Variants in DCAF10 observed in about 807,000 individuals in gnomAD.
DCAF10 encodes the protein DDB1- and CUL4-associated factor 10.
In DCAF10, 19 loss-of-function variants were observed where a neutral mutation model predicts 51.9. The observed-to-expected ratio is 0.37, with a 90% confidence interval of 0.26 to 0.54. The LOEUF (loss-of-function observed/expected upper bound fraction) is 0.54, where lower values mean the gene tolerates loss of function less well. Among genes scored for constraint, DCAF10 ranks in the 20% least tolerant of loss-of-function variants. DCAF10 has a pLI of 0.87. For missense variants in DCAF10, 510 were observed against 730.6 expected, an observed-to-expected ratio of 0.70 and a Z score of 3.48; for synonymous variants, 291 against 297.1, an observed-to-expected ratio of 0.98 and a Z score of 0.21.
intron 2 of DCAF10, among the ~76,000 whole-genome samples, chr9:37,840,905 C>A (rs142740334): frequency 6.6e-6 from 1 of 151,976 alleles, no homozygotes; most frequent in Non-Finnish European, 1.5e-5. Flanking sequence ...CAAATACTTA[C>A]GATTGTGTTA....
Position 37,865,038 on chromosome 9 carries a change from A to G in DCAF10, c.*3530A>G, listed in dbSNP as rs1359208249. The stretch of plus-strand genomic sequence containing the variant: ...CATTGTGCTCTTTAGTTTGTAAAGT[A>G]TGGTAAGCTGGCCTGTTATTTGTTT... On this transcript the variant is annotated 3_prime_UTR_variant, in exon 7 of 7. Transcript: ENST00000377724. 1 of 151,846 alleles carries G rather than the reference A, an allele frequency of 6.6e-6. No homozygotes were observed. Among genetic ancestry groups the G allele is most frequent in the African/African-American group, 2.4e-5 (1 of 41,352 alleles). The allele number at this position is 151,846 out of a possible 1,614,324, so 9.4% of individuals were successfully genotyped here. A position where few individuals can be genotyped will look rare whatever the true frequency, so the allele number is the denominator to read the frequency against.
At chr9:37,835,791 A>G (rs1445998609) in intron 2 of DCAF10, among the ~76,000 whole-genome samples, 1 of 152,266 alleles carries the variant, frequency 6.6e-6, no homozygotes, top group Non-Finnish European at 1.5e-5. Flanking sequence ...TATAAGGGAA[A>G]GATGGACTTG....
chr9:37,819,237 AC>A, intron 1 of DCAF10, 50 bp from the exon 2 acceptor site: 1 of 1,417,796 alleles, frequency 7.1e-7, no homozygotes, highest in South Asian at 1.2e-5. Flanking sequence ...AACATCAATA[AC>A]CAGCGAATGC....
At chr9:37,802,045 C>T (rs1828966856) in intron 1 of DCAF10, among the ~76,000 whole-genome samples, 1 of 152,138 alleles carries the variant, frequency 6.6e-6, no homozygotes, top group African/African-American at 2.4e-5. Context: ...AAAACTTTGT[C>T]TTGTCAGTAC....
chr9:37,804,678 A>G (rs756180031), intron 1 of DCAF10, among the ~76,000 whole-genome samples: 18 of 152,130 alleles, frequency 1.2e-4, no homozygotes, highest in Admixed American at 3.3e-4. Flanking sequence ...CAGGAGGCTG[A>G]GGCAGGAGAA....
intron 1 of DCAF10, among the ~76,000 whole-genome samples, chr9:37,814,080 C>CTA (rs58660288): frequency 0.018 from 847 of 46,986 alleles, 37 homozygotes; most frequent in Non-Finnish European, 0.021. Flanking sequence ...CTATTTGTCA[C>CTA]TATATATATA....
In DCAF10 at chr9:37,838,264, A is replaced by G. The variant is rs1830231463; in HGVS notation, c.654-3825A>G. 3.9e-5 allele frequency among the ~76,000 whole-genome samples: 6 copies of G among 152,228 alleles called. No individual in the cohort carries two copies. In the South Asian group the frequency reaches 1.2e-3, roughly 31 times the overall value. On this transcript the variant is annotated intron_variant, in intron 2 of 6. Coordinates refer to ENST00000377724, the MANE Select transcript of DCAF10 (RefSeq NM_024345.5). Reference sequence around the variant, plus strand: ...AAAAAGTTTCAACTTTACTAAACATAAAAGTTTCAACTTAAAACAAGATGA... The same window carrying G: ...AAAAAGTTTCAACTTTACTAAACATGAAAGTTTCAACTTAAAACAAGATGA...
At position 37,801,796 on chromosome 9, in the gene DCAF10, C is replaced by T. The variant is rs574370075; in HGVS notation, c.539+391C>T. ...TAGGCTCGCGTTTTCCTACCTAAACCTGTGTCGGGGTAGGAAAGCTGTAGA... is the reference window on the plus strand; with the variant it reads ...TAGGCTCGCGTTTTCCTACCTAAACTTGTGTCGGGGTAGGAAAGCTGTAGA... On this transcript the variant is annotated intron_variant, in intron 1 of 6. Transcript: ENST00000377724. This position sits in a 1 kb window ranked among gnomAD's most constrained non-coding sequence, Gnocchi z 5.5. 2.0e-5 allele frequency among the ~76,000 whole-genome samples: 3 copies of T among 152,308 alleles called. No homozygotes were observed. The highest frequency in any genetic ancestry group is 6.5e-5 in the Admixed American group (1 of 15,304).
chr9:37,850,876 A>ATG (rs1830628671), intron 3 of DCAF10, among the ~76,000 whole-genome samples: 3 of 89,254 alleles, frequency 3.4e-5, no homozygotes, highest in African/African-American at 1.4e-4. Flanking sequence ...ATATATATAT[A>ATG]TATATAAATT....
At chr9:37,831,495 C>T (rs1268715280) in intron 2 of DCAF10, among the ~76,000 whole-genome samples, 33 of 152,130 alleles carry the variant, frequency 2.2e-4, no homozygotes, top group Admixed American at 2.2e-3. Flanking sequence ...TACTCAGTTC[C>T]ATTAGATCAC....
chr9:37,812,734 A>G (rs1829389317), intron 1 of DCAF10, among the ~76,000 whole-genome samples: 1 of 152,228 alleles, frequency 6.6e-6, no homozygotes, highest in Non-Finnish European at 1.5e-5. Context: ...CCTGGGCTCA[A>G]GTAATCCTCT....
At chr9:37,827,547 T>G (rs1829888403) in intron 2 of DCAF10, among the ~76,000 whole-genome samples, 1 of 152,092 alleles carries the variant, frequency 6.6e-6, no homozygotes, top group Non-Finnish European at 1.5e-5. Context: ...TATATATATT[T>G]CTAATATGTA....
upstream of DCAF10, chr9:37,800,750 G>A: frequency 6.5e-7 from 1 of 1,533,418 alleles, no homozygotes; most frequent in Non-Finnish European, 8.7e-7. Context: ...GAGGGGCGGC[G>A]CGGGTTTCCA....
At chr9:37,810,152 TAA>T (rs747571357) in intron 1 of DCAF10, among the ~76,000 whole-genome samples, 3 of 141,284 alleles carry the variant, frequency 2.1e-5, no homozygotes. Context: ...AACTCCATCT[TAA>T]AAAAAAAAAA....
At chr9:37,835,200 C>G (rs553678835) in intron 2 of DCAF10, among the ~76,000 whole-genome samples, 3 of 152,010 alleles carry the variant, frequency 2.0e-5, no homozygotes, top group African/African-American at 7.2e-5. Context: ...TTTGGGAGGT[C>G]GAAGTGGGCA....
At chr9:37,845,418 G>T (rs1830446605) in intron 3 of DCAF10, among the ~76,000 whole-genome samples, 1 of 152,118 alleles carries the variant, frequency 6.6e-6, no homozygotes, top group South Asian at 2.1e-4. Context: ...TATAGAAGAA[G>T]ATGATAGATG....
chr9:37,844,258 C>T (rs1250309540), intron 3 of DCAF10, among the ~76,000 whole-genome samples: 4 of 152,198 alleles, frequency 2.6e-5, no homozygotes, highest in Non-Finnish European at 4.4e-5. Context: ...TGGTGGCTCA[C>T]GCCTGTAATC....
chr9:37,804,763 C>G (rs1443829708), intron 1 of DCAF10, among the ~76,000 whole-genome samples: 3 of 148,642 alleles, frequency 2.0e-5, no homozygotes, highest in Non-Finnish European at 4.5e-5. Flanking sequence ...GCAACAAGAG[C>G]AAAACTCCAT....
intron 1 of DCAF10, among the ~76,000 whole-genome samples, chr9:37,804,547 T>C (rs1589071414): frequency 1.3e-5 from 2 of 151,480 alleles, no homozygotes; most frequent in South Asian, 4.2e-4. Flanking sequence ...GAGGCTGAGG[T>C]GGGTGGATCA....
Sources: gnomAD v4.1 joint callset for allele counts (sites outside exome capture counted in the v4.1 genomes callset) on GRCh38, gnomAD v4.1.1 for gene constraint, Gnocchi (gnomAD v3.1) non-coding constraint, MANE v1.5 for transcripts, NCBI Gene and HGNC (gene_info 2026-07-23, HGNC 2026-07-21) for gene names.